Variants in KAZN observed in about 807,000 individuals in gnomAD.
KAZN encodes kazrin.
In KAZN, 40 loss-of-function variants were observed where a neutral mutation model predicts 87.4. That is an observed-to-expected ratio of 0.46 (90% CI 0.36 to 0.60). KAZN has a LOEUF of 0.60. Ranked by LOEUF, KAZN falls within the 20% of genes least tolerant of loss-of-function variation. KAZN has a pLI of 0.00. For synonymous variants in KAZN, 466 were observed against 458.3 expected, an observed-to-expected ratio of 1.02 and a Z score of -0.22; for missense variants, 898 against 1,073.9, an observed-to-expected ratio of 0.84 and a Z score of 2.29.
intron 1 of KAZN, among the ~76,000 whole-genome samples, chr1:13,964,973 C>T (rs1049930533): frequency 8.6e-5 from 13 of 150,730 alleles, no homozygotes; most frequent in African/African-American, 3.2e-4. Context: ...AAGAGGGTGC[C>T]AGGTGGAGGG....
chr1:15,064,088 C>T (rs1639034203), intron 7 of KAZN, among the ~76,000 whole-genome samples: 1 of 152,252 alleles, frequency 6.6e-6, no homozygotes, highest in Non-Finnish European at 1.5e-5. Flanking sequence ...TTGAAAAGCT[C>T]ATAGCCCAGG....
At chr1:14,575,314 A>G (rs558717937) in intron 2 of KAZN, among the ~76,000 whole-genome samples, 2 of 152,272 alleles carry the variant, frequency 1.3e-5, no homozygotes, top group South Asian at 4.1e-4. Flanking sequence ...TCACAGTTGC[A>G]CGTGGCTGGG....
At chr1:14,189,138 T>C (rs968700938) in intron 2 of KAZN, among the ~76,000 whole-genome samples, 1 of 152,164 alleles carries the variant, frequency 6.6e-6, no homozygotes, top group Non-Finnish European at 1.5e-5. Flanking sequence ...TCATTCCTTG[T>C]CTTTGAGTAA....
chr1:15,045,156 C>T (rs969633864), intron 4 of KAZN, among the ~76,000 whole-genome samples: 1 of 152,158 alleles, frequency 6.6e-6, no homozygotes, highest in East Asian at 1.9e-4. Flanking sequence ...GGAGTGGAGT[C>T]TTAATCCCAC....
intron 4 of KAZN, among the ~76,000 whole-genome samples, chr1:15,050,078 G>A (rs141269821): frequency 7.0e-6 from 1 of 141,904 alleles, no homozygotes; most frequent in Non-Finnish European, 1.5e-5. Flanking sequence ...GAGTAGAGTA[G>A]AGTACAGTAG....
At chr1:14,721,978 A>AC (rs1223263926) in intron 1 of KAZN, among the ~76,000 whole-genome samples, 1 of 151,662 alleles carries the variant, frequency 6.6e-6, no homozygotes, top group Non-Finnish European at 1.5e-5. Context: ...ACATGGTGAA[A>AC]CCCCCTTCTC....
At chr1:14,870,555 AC>A (rs565501239) in intron 1 of KAZN, among the ~76,000 whole-genome samples, 9 of 151,912 alleles carry the variant, frequency 5.9e-5, no homozygotes, top group Non-Finnish European at 1.3e-4. Context: ...TGGCCAGGCT[AC>A]TCTCAAACTC....
In KAZN at chr1:13,971,818, T is replaced by A. The variant is rs548151036; in HGVS notation, c.91+78062T>A. On this transcript the variant is annotated intron_variant, in intron 1 of 16. Transcript: ENST00000636203. ...CTGTCCTCATGATAGTGAATTGTTGTAAGATCTGGTTGTTTAAAAGTGTGT... is the reference window on the plus strand; with the variant it reads ...CTGTCCTCATGATAGTGAATTGTTGAAAGATCTGGTTGTTTAAAAGTGTGT... Among the ~76,000 whole-genome samples the A allele has an allele frequency of 1.1e-4, 17 of 152,300 alleles. No homozygotes were observed. In the South Asian group the frequency reaches 3.5e-3, roughly 32 times the overall value.
chr1:14,386,310 T>C (rs530728121), intron 2 of KAZN, among the ~76,000 whole-genome samples: 1 of 147,400 alleles, frequency 6.8e-6, no homozygotes, highest in African/African-American at 2.5e-5. Context: ...TTAGTCCATT[T>C]ACATTTAAAG....
intron 1 of KAZN, among the ~76,000 whole-genome samples, chr1:14,922,149 T>C (rs1311894646): frequency 2.0e-5 from 3 of 152,224 alleles, no homozygotes; most frequent in Non-Finnish European, 2.9e-5. Flanking sequence ...GTGTTTAATA[T>C]GCCAAGAGTG....
chr1:14,438,551 C>G (rs574339373), intron 2 of KAZN, among the ~76,000 whole-genome samples: 3 of 152,080 alleles, frequency 2.0e-5, no homozygotes, highest in African/African-American at 4.8e-5. Context: ...GTGCAAAGGC[C>G]CTGGGGCAGG....
At chr1:13,927,305 C>T (rs145886053) in intron 1 of KAZN, among the ~76,000 whole-genome samples, 1 of 152,256 alleles carries the variant, frequency 6.6e-6, no homozygotes, top group East Asian at 1.9e-4. Flanking sequence ...GACCCTGAAG[C>T]AGGTTTGGAA....
Position 15,115,543 on chromosome 1 carries a change from G to A in KAZN, c.*908G>A, listed in dbSNP as rs956024067. Reference sequence around the variant, plus strand: ...GTGTGGCAATGAGTTTGGGGTCTGGGGCAGGGAAATGCTTGACATTGTTAA... The same window carrying A: ...GTGTGGCAATGAGTTTGGGGTCTGGAGCAGGGAAATGCTTGACATTGTTAA... On this transcript the variant is annotated 3_prime_UTR_variant, in exon 15 of 15. Coordinates refer to ENST00000376030, the MANE Select transcript of KAZN (RefSeq NM_201628.3). This position sits in a 1 kb window ranked among gnomAD's most constrained non-coding sequence, Gnocchi z 4.1. 1.3e-5 allele frequency: 2 copies of A among 152,130 alleles called. No homozygotes were observed. Among genetic ancestry groups the A allele is most frequent in the African/African-American group, 2.4e-5 (1 of 41,412 alleles). The allele number at this position is 152,130 out of a possible 1,614,324, so 9.4% of individuals were successfully genotyped here.
chr1:14,116,992 A>G (rs1019708511), intron 1 of KAZN, among the ~76,000 whole-genome samples: 1 of 152,176 alleles, frequency 6.6e-6, no homozygotes, highest in Non-Finnish European at 1.5e-5. Context: ...TAATGGCTGT[A>G]TTTACCCAAT....
At chr1:14,083,654 C>T (rs1643759141) in intron 1 of KAZN, among the ~76,000 whole-genome samples, 1 of 152,178 alleles carries the variant, frequency 6.6e-6, no homozygotes, top group Non-Finnish European at 1.5e-5. Context: ...AGACTTAGAT[C>T]TGGGAATGTT....
intron 2 of KAZN, among the ~76,000 whole-genome samples, chr1:14,395,144 G>A (rs1043148208): frequency 1.1e-4 from 17 of 151,930 alleles, no homozygotes; most frequent in African/African-American, 3.4e-4. Context: ...ATGAGATGGA[G>A]GAGAGAAGAA....
chr1:14,354,169 T>C (rs1658793579), intron 2 of KAZN, among the ~76,000 whole-genome samples: 1 of 151,952 alleles, frequency 6.6e-6, no homozygotes, highest in African/African-American at 2.4e-5. Context: ...CTAGAACAAC[T>C]GGATAAAAAA....
intron 1 of KAZN, among the ~76,000 whole-genome samples, chr1:14,944,641 C>T (rs964550081): frequency 1.3e-5 from 2 of 152,214 alleles, no homozygotes; most frequent in Non-Finnish European, 2.9e-5. Context: ...TCCCCATACC[C>T]CAGACTCCTA....
At chr1:14,195,511 TCACACACACACA>T (rs55792359) in intron 2 of KAZN, among the ~76,000 whole-genome samples, 2,621 of 146,168 alleles carry the variant, frequency 0.018, 84 homozygotes, top group African/African-American at 0.062. Context: ...CAAAAACGGC[TCACACACACACA>T]CACACACACA....
Sources: gnomAD v4.1 joint callset for allele counts (sites outside exome capture counted in the v4.1 genomes callset) on GRCh38, gnomAD v4.1.1 for gene constraint, Gnocchi (gnomAD v3.1) non-coding constraint, MANE v1.5 for transcripts, NCBI Gene and HGNC (gene_info 2026-07-23, HGNC 2026-07-21) for gene names.